Variants in KPNA4 observed in about 807,000 individuals in gnomAD.
The protein encoded by KPNA4 is karyopherin subunit alpha 4.
In KPNA4, 13 loss-of-function variants were observed where a neutral mutation model predicts 71.3. The observed-to-expected ratio is 0.18, with a 90% confidence interval of 0.12 to 0.29. KPNA4 has a LOEUF of 0.29. Among genes scored for constraint, KPNA4 ranks in the 10% least tolerant of loss-of-function variants. The pLI is 1.00. For missense variants in KPNA4, 334 were observed against 603.2 expected (o/e 0.55, Z 4.67); for synonymous variants, 189 against 195.2 (o/e 0.97, Z 0.26).
chr3:160,515,370 C>T, intron 12 of KPNA4, 82 bp downstream of exon 12: 2 of 1,246,698 alleles, frequency 1.6e-6, no homozygotes, highest in East Asian at 2.6e-5. Context: ...ATATTACAGA[C>T]ATTTCTAAGA....
chr3:160,503,195 C>T (rs73155917), intron 16 of KPNA4, among the ~76,000 whole-genome samples: 8 of 151,978 alleles, frequency 5.3e-5, no homozygotes, highest in Non-Finnish European at 8.8e-5. Context: ...AAAAAAAAAT[C>T]TAATGCCACC....
Position 160,508,151 on chromosome 3 carries a change from T to G in KPNA4, c.1328A>C (p.Glu443Ala). Residue 443 changes from glutamate (E) to alanine (A), a missense_variant, in exon 15 of 17, where the codon GAA (glutamate) becomes GCA (alanine). Transcript: ENST00000334256. The part of the protein sequence containing the change: ...DGLSNILKMA[E>A]DEAETIGNLI... ...ATTGCCTATGGTTTCTGCCTCATCTTCAGCCATTTTTAATATATTACTTAG... is the reference window on the plus strand; with the variant it reads ...ATTGCCTATGGTTTCTGCCTCATCTGCAGCCATTTTTAATATATTACTTAG... 6.2e-7 allele frequency: 1 copy of G among 1,610,382 alleles called. No homozygotes were observed. The highest frequency in any genetic ancestry group is 8.5e-7 in the Non-Finnish European group (1 of 1,178,650).
chr3:160,555,277 T>C (rs1433451465), intron 1 of KPNA4, among the ~76,000 whole-genome samples: 1 of 152,248 alleles, frequency 6.6e-6, no homozygotes, highest in African/African-American at 2.4e-5. Flanking sequence ...ATTTATTTAC[T>C]ATATCCTCTC....
chr3:160,515,176 T>C (rs1280320580), intron 12 of KPNA4: 1 of 537,162 alleles, frequency 1.9e-6, no homozygotes, highest in Non-Finnish European at 3.7e-6. Flanking sequence ...ATAATATACA[T>C]ATTAAAAATT....
intron 1 of KPNA4, among the ~76,000 whole-genome samples, chr3:160,543,754 C>A (rs1721851849): frequency 1.3e-5 from 2 of 152,180 alleles, no homozygotes; most frequent in African/African-American, 4.8e-5. Flanking sequence ...AAATTATAAA[C>A]AAGAGCTATT....
chr3:160,503,527 G>GTTA (rs201794831), intron 16 of KPNA4, among the ~76,000 whole-genome samples: 2 of 151,788 alleles, frequency 1.3e-5, no homozygotes, highest in East Asian at 3.9e-4. Flanking sequence ...GCTAATAATG[G>GTTA]TTATTATTAT....
intron 1 of KPNA4, among the ~76,000 whole-genome samples, chr3:160,556,830 G>C (rs767915347): frequency 1.3e-5 from 2 of 152,136 alleles, no homozygotes; most frequent in Non-Finnish European, 2.9e-5. Flanking sequence ...ACAAATTTAA[G>C]GTGTCTGAAA....
At chr3:160,563,795 C>T (rs1722289238) in intron 1 of KPNA4, among the ~76,000 whole-genome samples, 1 of 151,972 alleles carries the variant, frequency 6.6e-6, no homozygotes, top group Non-Finnish European at 1.5e-5. Flanking sequence ...CAAATTATCT[C>T]AATAAAGATG....
In KPNA4 at chr3:160,508,219, C is replaced by T. The variant is rs1235141353; in HGVS notation, c.1260G>A (p.Leu420=). The T allele has an allele frequency of 6.2e-7, 1 of 1,610,834 alleles. No homozygotes were observed. Residue 420 remains leucine, a synonymous_variant, in exon 15 of 17, where the codon CTG becomes CTA. Transcript: ENST00000334256. ...GCACAACTTGTGCATCTTTTACAGT[C>T]AGCAAGTTGCAAAAAGGTGGGATAA... ...QNVIPPFCNL[L]TVKDAQVVQV...
chr3:160,552,748 T>C (rs190579133), intron 1 of KPNA4, among the ~76,000 whole-genome samples: 219 of 152,216 alleles, frequency 1.4e-3, no homozygotes, highest in Middle Eastern at 3.4e-3. Context: ...GAGAAAGCAT[T>C]CTCACAGACA....
rs749040807 is a variant in KPNA4 at position 160,502,139 on chromosome 3, A to G, written c.1531T>C (p.Ser511Pro). ...IQGGTFGFNSSANVPTEGFQF is the reference protein window; with the variant it reads ...IQGGTFGFNSPANVPTEGFQF ...AACCCTTCTGTTGGTACATTGGCAG[A>G]TGAATTGAAACCAAATGTTCCGCCT... The change falls in exon 17 of 17, where the codon TCT (serine) becomes CCT (proline). Residue 511 changes from serine to proline, a missense_variant. Transcript: ENST00000334256. The G allele has an allele frequency of 1.3e-6, 2 of 1,599,756 alleles. No individual in the cohort carries two copies. The highest frequency in any genetic ancestry group is 8.5e-7 in the Non-Finnish European group (1 of 1,171,058).
At chr3:160,514,891 T>C in intron 12 of KPNA4, 1 of 494,568 alleles carries the variant, frequency 2.0e-6, no homozygotes, top group Non-Finnish European at 4.1e-6. Flanking sequence ...TATTAGCTAA[T>C]GTATACTAGG....
intron 16 of KPNA4, among the ~76,000 whole-genome samples, chr3:160,502,454 T>G (rs1400393698): frequency 1.3e-5 from 2 of 151,952 alleles, no homozygotes; most frequent in Non-Finnish European, 2.9e-5. Context: ...CATTGCAGCC[T>G]CAACCTCTTG....
At chr3:160,530,063 A>C (rs998244020) in intron 7 of KPNA4, among the ~76,000 whole-genome samples, 3 of 133,060 alleles carry the variant, frequency 2.3e-5, no homozygotes, top group African/African-American at 8.5e-5. Flanking sequence ...TGAACCCGGG[A>C]GGTGGAGCTT....
chr3:160,521,755 T>A (rs538046983), intron 11 of KPNA4, 24 bp downstream of exon 11: 8 of 1,605,410 alleles, frequency 5.0e-6, no homozygotes, highest in East Asian at 4.5e-5. Flanking sequence ...GAAATACTTA[T>A]AATTTAACTA....
chr3:160,546,987 T>C (rs1721924189), intron 1 of KPNA4, among the ~76,000 whole-genome samples: 2 of 152,256 alleles, frequency 1.3e-5, no homozygotes, highest in Non-Finnish European at 1.5e-5. Context: ...TTTCTGGTGA[T>C]GTTTCCAGGG....
chr3:160,519,784 AGAGC>A (rs1317977161), intron 11 of KPNA4, among the ~76,000 whole-genome samples: 3 of 137,482 alleles, frequency 2.2e-5, no homozygotes, highest in African/African-American at 8.3e-5. Flanking sequence ...CCTGGGCGAC[AGAGC>A]GAGACTCCGT....
intron 7 of KPNA4, among the ~76,000 whole-genome samples, chr3:160,529,761 C>A (rs916530716): frequency 6.6e-6 from 1 of 151,758 alleles, no homozygotes; most frequent in African/African-American, 2.4e-5. Flanking sequence ...AAAAAGCAAT[C>A]CTATTATAAT....
chr3:160,541,289 G>A (rs1271082395), intron 1 of KPNA4, among the ~76,000 whole-genome samples: 1 of 152,082 alleles, frequency 6.6e-6, no homozygotes, highest in African/African-American at 2.4e-5. Flanking sequence ...CTTGAGCAAA[G>A]TTAGGATTTA....
Sources: gnomAD v4.1 joint callset for allele counts (sites outside exome capture counted in the v4.1 genomes callset) on GRCh38, gnomAD v4.1.1 for gene constraint, MANE v1.5 for transcripts, NCBI Gene and HGNC (gene_info 2026-07-23, HGNC 2026-07-21) for gene names.